The following SNRK variants were observed in gnomAD, a reference collection of about 807,000 sequenced individuals.
SNRK encodes the protein SNF related kinase.
SNRK carries 3 observed loss-of-function variants against 48.2 expected under a neutral mutation model. The observed-to-expected ratio is 0.06, with a 90% CI of 0.03 to 0.16. The LOEUF (loss-of-function observed/expected upper bound fraction) is 0.16, where lower values mean the gene tolerates loss of function less well. SNRK is among the 10% of genes least tolerant of loss of function. The pLI is 1.00. For missense variants in SNRK, 627 were observed against 976.0 expected (o/e 0.64, Z 4.76); for synonymous variants, 376 against 366.1 (o/e 1.03, Z -0.31).
At chr3:43,320,173 GAT>G (rs1338781269) in intron 3 of SNRK, among the ~76,000 whole-genome samples, 2 of 151,878 alleles carry the variant, frequency 1.3e-5, no homozygotes, top group Non-Finnish European at 2.9e-5. Flanking sequence ...AAATTTCATG[GAT>G]ATGACTTGAG....
At chr3:43,345,908 A>G (rs1055385504) in intron 6 of SNRK, among the ~76,000 whole-genome samples, 4 of 152,258 alleles carry the variant, frequency 2.6e-5, no homozygotes, top group Non-Finnish European at 5.9e-5. Flanking sequence ...ATGGAAGAAC[A>G]TGAGGTCTGA....
At chr3:43,317,167 A>T (rs535239675) in intron 3 of SNRK, among the ~76,000 whole-genome samples, 1 of 152,218 alleles carries the variant, frequency 6.6e-6, no homozygotes, top group Non-Finnish European at 1.5e-5. Context: ...AGCAGAACTC[A>T]TACGCTGAAT....
Position 43,301,677 on chromosome 3 carries a change from T to G in SNRK, c.-106-1421T>G, listed in dbSNP as rs187994145. 2.3e-3 allele frequency among the ~76,000 whole-genome samples: 344 copies of G among 152,332 alleles called. 1 individual carries two copies. Among genetic ancestry groups the G allele is most frequent in the African/African-American group, 7.9e-3 (330 of 41,572 alleles). ...ATGTCAAATTTCGTTTTTTGGGATA[T>G]TTTTATCTAAGTGGACTCAATAATT... On this transcript the variant is annotated intron_variant, in intron 2 of 6. Coordinates refer to ENST00000296088, the MANE Select transcript of SNRK (RefSeq NM_017719.5).
intron 4 of SNRK, among the ~76,000 whole-genome samples, chr3:43,336,566 A>T (rs1304546317): frequency 2.0e-5 from 3 of 152,110 alleles, no homozygotes; most frequent in Non-Finnish European, 4.4e-5. Context: ...TCATGGTCTC[A>T]AGAGATCCTC....
At chr3:43,319,245 T>C (rs2125630990) in intron 3 of SNRK, among the ~76,000 whole-genome samples, 1 of 152,282 alleles carries the variant, frequency 6.6e-6, no homozygotes, top group South Asian at 2.1e-4. Context: ...GTATTTCTAG[T>C]GTAGTGTAAA....
At chr3:43,310,164 G>A (rs953085255) in intron 3 of SNRK, among the ~76,000 whole-genome samples, 2 of 151,846 alleles carry the variant, frequency 1.3e-5, no homozygotes, top group East Asian at 3.8e-4. Context: ...ATCAGTCTTT[G>A]AATAGGTGGA....
At chr3:43,304,998 C>A (rs536686073) in intron 3 of SNRK, among the ~76,000 whole-genome samples, 1 of 151,952 alleles carries the variant, frequency 6.6e-6, no homozygotes, top group African/African-American at 2.4e-5. Flanking sequence ...AGAGGAAACA[C>A]AAATGTCTAC....
At chr3:43,324,892 C>T (rs1418286347) in intron 3 of SNRK, among the ~76,000 whole-genome samples, 1 of 152,170 alleles carries the variant, frequency 6.6e-6, no homozygotes, top group Non-Finnish European at 1.5e-5. Context: ...TCTCTTTACT[C>T]TCAAATGAGG....
chr3:43,319,505 AAGG>A (rs2091038274), intron 3 of SNRK, among the ~76,000 whole-genome samples: 1 of 152,150 alleles, frequency 6.6e-6, no homozygotes, highest in Admixed American at 6.5e-5. Flanking sequence ...ATGGCTAAAA[AAGG>A]AGGATGATGA....
chr3:43,325,970 G>A (rs1025804084), intron 3 of SNRK, among the ~76,000 whole-genome samples: 4 of 151,904 alleles, frequency 2.6e-5, no homozygotes, highest in East Asian at 3.9e-4. Context: ...TTATCTTTCC[G>A]TTTTCATTTG....
At chr3:43,312,465 G>A (rs1363103287) in intron 3 of SNRK, among the ~76,000 whole-genome samples, 1 of 152,052 alleles carries the variant, frequency 6.6e-6, no homozygotes, top group African/African-American at 2.4e-5. Context: ...CCTGCTCTAA[G>A]TAAACAAGGA....
chr3:43,319,611 C>G (rs904235032), intron 3 of SNRK, among the ~76,000 whole-genome samples: 3 of 152,156 alleles, frequency 2.0e-5, no homozygotes, highest in Non-Finnish European at 2.9e-5. Flanking sequence ...TCACTTGTCC[C>G]CCTTGCTCAA....
At chr3:43,343,530 G>A (rs766420335) in intron 6 of SNRK, 52 bp downstream of exon 6, 12 of 1,536,930 alleles carry the variant, frequency 7.8e-6, no homozygotes, top group African/African-American at 5.6e-5. Flanking sequence ...TTGAAATAGC[G>A]AACTTTTTTT....
intron 3 of SNRK, among the ~76,000 whole-genome samples, chr3:43,305,756 A>G (rs570820773): frequency 1.3e-5 from 2 of 152,264 alleles, no homozygotes; most frequent in East Asian, 1.9e-4. Context: ...AAGTGCTGGG[A>G]TTACAGGCAT....
At chr3:43,338,423 A>G (rs758348447) in intron 4 of SNRK, among the ~76,000 whole-genome samples, 7 of 152,178 alleles carry the variant, frequency 4.6e-5, no homozygotes, top group Non-Finnish European at 8.8e-5. Context: ...TCTGGCATCC[A>G]TTGTTGCTGT....
At chr3:43,297,000 G>A (rs920232296) in intron 1 of SNRK, among the ~76,000 whole-genome samples, 50 of 152,224 alleles carry the variant, frequency 3.3e-4, no homozygotes, top group Admixed American at 9.2e-4. Flanking sequence ...GAGCACTCTT[G>A]GCAAGTTGGC....
intron 3 of SNRK, among the ~76,000 whole-genome samples, chr3:43,325,078 G>A (rs942438114): frequency 6.6e-6 from 1 of 152,210 alleles, no homozygotes; most frequent in Non-Finnish European, 1.5e-5. Context: ...TGCAGCAGGT[G>A]ATTTTTATCA....
At chr3:43,342,305 T>G (rs952019942) in intron 5 of SNRK, among the ~76,000 whole-genome samples, 3 of 152,292 alleles carry the variant, frequency 2.0e-5, no homozygotes, top group Middle Eastern at 3.4e-3. Context: ...GCTCACATCA[T>G]GAGAAGCTGC....
Position 43,340,377 on chromosome 3 carries a change from T to G in SNRK, c.822T>G (p.Pro274=). 1 of 1,614,136 alleles carries G rather than the reference T, an allele frequency of 6.2e-7. No homozygotes were observed. The highest frequency in any genetic ancestry group is 8.5e-7 in the Non-Finnish European group (1 of 1,179,996). The change falls in exon 5 of 7, where the codon CCT becomes CCG. Residue 274 remains proline (P), a synonymous_variant. Transcript: ENST00000296088. ...ENHPWLQGVD[P]SPATKYNIPL... is the part of the protein sequence containing the mutation. ...ATCCTTGGCTTCAGGGAGTGGACCC[T>G]TCACCAGCTACAAAGTATAACATTC...
Sources: allele counts gnomAD v4.1 joint callset (sites outside exome capture counted in the v4.1 genomes callset), GRCh38; gene constraint gnomAD v4.1.1; transcripts MANE v1.5; gene names NCBI Gene and HGNC (gene_info 2026-07-23, HGNC 2026-07-21).